Variants in EYS observed in about 807,000 individuals in gnomAD.
The protein encoded by EYS is EGF-like photoreceptor maintenance factor.
A neutral mutation model predicts 282.1 loss-of-function variants in EYS; 250 were observed. The ratio of observed to expected loss-of-function variants is 0.89; its 90% CI spans 0.80 to 0.98. The LOEUF is 0.98. Among genes scored for constraint, EYS ranks in the 50% least tolerant of loss-of-function variants. The pLI is 0.00. For synonymous variants in EYS, 1,355 were observed against 1,282.9 expected, an observed-to-expected ratio of 1.06 and a Z score of -1.20; for missense variants, 4,016 against 3,709.0, an observed-to-expected ratio of 1.08 and a Z score of -2.15.
At chr6:64,628,222 T>C (rs1035635606) in intron 22 of EYS, among the ~76,000 whole-genome samples, 1 of 147,074 alleles carries the variant, frequency 6.8e-6, no homozygotes, top group East Asian at 2.0e-4. Flanking sequence ...CCCATCTTTG[T>C]AGCAAAAAGA....
chr6:65,057,781 A>T, intron 12 of EYS, 54 bp from the exon 13 acceptor site: 1 of 1,203,546 alleles, frequency 8.3e-7, no homozygotes, highest in Non-Finnish European at 1.2e-6. Context: ...GGCATGTATC[A>T]AGTCGTAATT....
At chr6:63,919,648 G>T (rs1325465570) in intron 35 of EYS, among the ~76,000 whole-genome samples, 3 of 152,172 alleles carry the variant, frequency 2.0e-5, no homozygotes, top group Non-Finnish European at 2.9e-5. Context: ...TCTTGACCTG[G>T]TCAGCACTCC....
intron 2 of EYS, among the ~76,000 whole-genome samples, chr6:65,523,903 C>T (rs1241007493): frequency 6.6e-6 from 1 of 152,208 alleles, no homozygotes; most frequent in Non-Finnish European, 1.5e-5. Context: ...CAGAGTCTCA[C>T]TCTTGTCGCC....
At chr6:63,735,992 C>T (rs965369624) in intron 41 of EYS, among the ~76,000 whole-genome samples, 2 of 152,138 alleles carry the variant, frequency 1.3e-5, no homozygotes, top group Non-Finnish European at 2.9e-5. Context: ...AGACCCGTAT[C>T]ACTACAGTTA....
chr6:65,291,979 G>C (rs1469299875), intron 12 of EYS, among the ~76,000 whole-genome samples: 1 of 151,508 alleles, frequency 6.6e-6, no homozygotes, highest in Non-Finnish European at 1.5e-5. Context: ...TATGAAGAGA[G>C]GGATGTACAT....
intron 22 of EYS, among the ~76,000 whole-genome samples, chr6:64,805,348 G>C (rs1009912396): frequency 3.3e-5 from 5 of 151,828 alleles, no homozygotes; most frequent in Admixed American, 1.3e-4. Flanking sequence ...GAATGCATAG[G>C]CTTTTTCTGT....
At chr6:64,896,944 C>T (rs1194248410) in intron 18 of EYS, among the ~76,000 whole-genome samples, 1 of 152,156 alleles carries the variant, frequency 6.6e-6, no homozygotes, top group Non-Finnish European at 1.5e-5. Context: ...GAAAGAAAGG[C>T]AGCAGCCCCA....
intron 30 of EYS, among the ~76,000 whole-genome samples, chr6:64,264,943 C>G (rs376484881): frequency 3.1e-4 from 47 of 152,076 alleles, no homozygotes; most frequent in Non-Finnish European, 6.0e-4. Context: ...ACATTGTCAA[C>G]GGCATGGATA....
intron 13 of EYS, among the ~76,000 whole-genome samples, chr6:65,013,657 T>C (rs777623173): frequency 5.9e-5 from 9 of 152,062 alleles, no homozygotes; most frequent in Non-Finnish European, 4.4e-5. Context: ...GGGAGGATTG[T>C]TTGAGGCCAG....
chr6:64,296,580 ATATACATATATATATATATTTTTTTTTT>A (rs1469113945), intron 30 of EYS, among the ~76,000 whole-genome samples: 2 of 6,126 alleles, frequency 3.3e-4, no homozygotes, highest in African/African-American at 2.3e-3. Context: ...ATATATATAT[ATATACATATATATATATATTTTTTTTTT>A]TTTTTTTTTT....
At chr6:65,589,723 A>T (rs1015821616) in intron 2 of EYS, among the ~76,000 whole-genome samples, 1 of 152,012 alleles carries the variant, frequency 6.6e-6, no homozygotes, top group Non-Finnish European at 1.5e-5. Context: ...GTACATATTA[A>T]TATTTCTAAT....
At chr6:64,898,859 A>G (rs971883894) in intron 18 of EYS, among the ~76,000 whole-genome samples, 51 of 151,946 alleles carry the variant, frequency 3.4e-4, no homozygotes, top group African/African-American at 1.2e-3. Flanking sequence ...AAAGACAAAG[A>G]AGGGCATTAC....
intron 19 of EYS, among the ~76,000 whole-genome samples, chr6:64,840,067 G>A (rs1307653138): frequency 6.6e-6 from 1 of 152,076 alleles, no homozygotes; most frequent in Non-Finnish European, 1.5e-5. Context: ...GCACTACATA[G>A]TTGTGGTTAT....
intron 12 of EYS, among the ~76,000 whole-genome samples, chr6:65,156,701 T>A (rs1017139168): frequency 1.3e-5 from 2 of 151,106 alleles, no homozygotes; most frequent in Non-Finnish European, 3.0e-5. Flanking sequence ...TCCAGACCAT[T>A]TCCCTCTGAT....
rs142911321 is a variant in EYS at position 64,572,221 on chromosome 6, A to C, written c.5644+18002T>G. Among the ~76,000 whole-genome samples the C allele has an allele frequency of 8.1e-3, 1,230 of 152,364 alleles. 13 individuals carry two copies. Among genetic ancestry groups the C allele is most frequent in the Admixed American group, 0.015 (235 of 15,304 alleles). ...GAAGAAAAGACCTACGATAAAATTC[A>C]ACACCACTTCATGGTAAAAACTCTC... On this transcript the variant is annotated intron_variant, in intron 26 of 42. Coordinates refer to ENST00000503581, the MANE Select transcript of EYS (RefSeq NM_001142800.2).
At chr6:65,528,886 T>C (rs1767663956) in intron 2 of EYS, among the ~76,000 whole-genome samples, 1 of 152,158 alleles carries the variant, frequency 6.6e-6, no homozygotes, top group Admixed American at 6.5e-5. Flanking sequence ...GAAATAAACT[T>C]CTAGGTTTCT....
At chr6:64,291,109 C>T (rs904194827) in intron 30 of EYS, among the ~76,000 whole-genome samples, 1 of 150,836 alleles carries the variant, frequency 6.6e-6, no homozygotes, top group Non-Finnish European at 1.5e-5. Context: ...ATTCTGAAGG[C>T]CATAATAAGC....
intron 26 of EYS, among the ~76,000 whole-genome samples, chr6:64,534,686 G>A (rs1437005796): frequency 2.0e-5 from 3 of 151,582 alleles, no homozygotes; most frequent in African/African-American, 7.3e-5. Context: ...ACTAAAATTT[G>A]GCTGTTCCAA....
intron 31 of EYS, among the ~76,000 whole-genome samples, chr6:64,131,376 A>T (rs1773973090): frequency 6.6e-6 from 1 of 152,048 alleles, no homozygotes; most frequent in Non-Finnish European, 1.5e-5. Context: ...TACAAAGAAA[A>T]GCAATGTTGC....
Sources: gnomAD v4.1 joint callset for allele counts (sites outside exome capture counted in the v4.1 genomes callset) on GRCh38, gnomAD v4.1.1 for gene constraint, MANE v1.5 for transcripts, NCBI Gene and HGNC (gene_info 2026-07-23, HGNC 2026-07-21) for gene names.